The following RBFOX2 variants were observed in gnomAD, a reference collection of about 807,000 sequenced individuals.
The protein encoded by RBFOX2 is RNA binding fox-1 homolog 2.
In RBFOX2, 10 loss-of-function variants were observed where a neutral mutation model predicts 49.1. The ratio of observed to expected loss-of-function variants is 0.20; its 90% confidence interval spans 0.13 to 0.35. RBFOX2 has a LOEUF of 0.35. Ranked by LOEUF, RBFOX2 falls within the 10% of genes least tolerant of loss-of-function variation. RBFOX2 has a pLI of 1.00. For missense variants in RBFOX2, 323 were observed against 486.9 expected (o/e 0.66, Z 3.17); for synonymous variants, 183 against 187.4 (o/e 0.98, Z 0.19).
At chr22:35,746,043 T>TA (rs761411522) in intron 10 of RBFOX2, 48 bp from the exon 13 acceptor site, 3 of 1,491,688 alleles carry the variant, frequency 2.0e-6, no homozygotes, top group Non-Finnish European at 2.8e-6. Flanking sequence ...GTGTATGATC[T>TA]AAAAAAATTA....
At chr22:36,002,442 A>T (rs1480536124) in intron 1 of RBFOX2, among the ~76,000 whole-genome samples, 3 of 152,274 alleles carry the variant, frequency 2.0e-5, no homozygotes, top group Non-Finnish European at 2.9e-5. Flanking sequence ...TAAAAGAATT[A>T]GATTGATTGG....
At chr22:35,886,841 G>C (rs555953628) in intron 1 of RBFOX2, among the ~76,000 whole-genome samples, 1 of 152,196 alleles carries the variant, frequency 6.6e-6, no homozygotes, top group African/African-American at 2.4e-5. Flanking sequence ...CGACTGTACA[G>C]TTTTCCAGAA....
chr22:35,885,843 ATTTTTTTTTTTT>A lies in RBFOX2; in HGVS notation c.-34+52992_-34+53003del, dbSNP rs538674450. On this transcript the variant is annotated intron_variant, in intron 1 of 13. Coordinates refer to the RBFOX2 transcript ENST00000359369. The stretch of plus-strand genomic sequence containing the variant: ...TTGGGTTAAGTGAAACCCAAACCTA[ATTTTTTTTTTTT>A]TTTTTTTTTTTTTTTTTTTGAGACA... Among the ~76,000 whole-genome samples the A allele has an allele frequency of 4.8e-4, 40 of 83,150 alleles. No individual in the cohort carries two copies. The East Asian group carries it at 0.011, about 23-fold the overall frequency. The allele number at this position is 83,150 out of a possible 152,430, so 54.5% of individuals were successfully genotyped here.
At chr22:35,968,844 T>C (rs2056713684) in intron 1 of RBFOX2, among the ~76,000 whole-genome samples, 1 of 151,652 alleles carries the variant, frequency 6.6e-6, no homozygotes, top group South Asian at 2.1e-4. Flanking sequence ...TTGTAGGGAG[T>C]CTTCACAGTG....
chr22:35,995,925 C>T (rs1266629698), intron 1 of RBFOX2: 1 of 152,114 alleles, frequency 6.6e-6, no homozygotes, highest in Admixed American at 6.6e-5. Flanking sequence ...TAGATTCAGA[C>T]GATTATGGAA....
At chr22:35,983,999 T>C (rs943479650) in intron 1 of RBFOX2, among the ~76,000 whole-genome samples, 4 of 152,164 alleles carry the variant, frequency 2.6e-5, no homozygotes, top group Non-Finnish European at 4.4e-5. Flanking sequence ...ATAGCTCTCC[T>C]CTTCCACTCA....
At chr22:35,758,226 A>T (rs1937539839) in intron 9 of RBFOX2, among the ~76,000 whole-genome samples, 1 of 152,248 alleles carries the variant, frequency 6.6e-6, no homozygotes, top group Admixed American at 6.5e-5. Context: ...AATTGATATG[A>T]TTAGACATAA....
chr22:35,778,456 T>A (rs1944423048), intron 3 of RBFOX2, among the ~76,000 whole-genome samples: 1 of 152,144 alleles, frequency 6.6e-6, no homozygotes, highest in East Asian at 1.9e-4. Context: ...TCCTTTTTTT[T>A]ACACAAGCAA....
At chr22:35,813,836 T>C (rs1396568861) in intron 1 of RBFOX2, among the ~76,000 whole-genome samples, 1 of 152,188 alleles carries the variant, frequency 6.6e-6, no homozygotes, top group African/African-American at 2.4e-5. Context: ...CTAGAGAGCA[T>C]AACAAGGGAT....
chr22:35,926,432 T>C (rs2051650130), intron 1 of RBFOX2, among the ~76,000 whole-genome samples: 1 of 152,200 alleles, frequency 6.6e-6, no homozygotes, highest in African/African-American at 2.4e-5. Flanking sequence ...ATTAAACCTC[T>C]CATTACAATA....
intron 1 of RBFOX2, among the ~76,000 whole-genome samples, chr22:35,945,057 A>G (rs2054124638): frequency 6.6e-6 from 1 of 152,218 alleles, no homozygotes; most frequent in Admixed American, 6.5e-5. Flanking sequence ...AAGAATTCTT[A>G]CCACTCTGCA....
rs990135609 is a variant in RBFOX2, at chr22:35,994,385, T to A, written c.186+33855A>T. The A allele has an allele frequency of 2.7e-5, 4 of 148,128 alleles. No individual in the cohort carries two copies. The South Asian group carries it at 8.6e-4, about 32-fold the overall frequency. 9.2% of individuals were successfully genotyped at this position (148,128 alleles called of 1,614,324 possible). The stretch of plus-strand genomic sequence containing the variant: ...TTGAGTGCATCCTTTTATTTATTCA[T>A]TTTATTTATTTATTTATTTATTTAT... On this transcript the variant is annotated intron_variant, in intron 1 of 13. Coordinates refer to the RBFOX2 transcript ENST00000438146.
At chr22:35,934,551 G>T (rs900757412) in intron 1 of RBFOX2, among the ~76,000 whole-genome samples, 1 of 152,102 alleles carries the variant, frequency 6.6e-6, no homozygotes, top group Admixed American at 6.6e-5. Context: ...AGTTTATATG[G>T]TCACCTTATT....
intron 1 of RBFOX2, among the ~76,000 whole-genome samples, chr22:35,933,929 TATATATATA>T (rs2052725185): frequency 9.0e-6 from 1 of 111,612 alleles, no homozygotes; most frequent in South Asian, 2.9e-4. Context: ...TTAAATGTTA[TATATATATA>T]TATATATATA....
chr22:35,945,198 C>G (rs2054141564), intron 1 of RBFOX2, among the ~76,000 whole-genome samples: 1 of 152,266 alleles, frequency 6.6e-6, no homozygotes, highest in African/African-American at 2.4e-5. Flanking sequence ...ATGAATTTCA[C>G]ATCACCTTGC....
At chr22:35,950,596 T>C (rs1301649612) in intron 1 of RBFOX2, among the ~76,000 whole-genome samples, 4 of 152,186 alleles carry the variant, frequency 2.6e-5, no homozygotes, top group Non-Finnish European at 5.9e-5. Context: ...AGGGTAGTTT[T>C]TGGCAACTTC....
At chr22:36,011,182 C>T (rs1380449379) in intron 1 of RBFOX2, among the ~76,000 whole-genome samples, 3 of 152,134 alleles carry the variant, frequency 2.0e-5, no homozygotes, top group African/African-American at 7.2e-5. Flanking sequence ...ATAGCTGACC[C>T]ACAATGTGCC....
intron 1 of RBFOX2, chr22:35,997,144 C>G (rs1293397294): frequency 6.6e-6 from 1 of 152,250 alleles, no homozygotes; most frequent in Non-Finnish European, 1.5e-5. Context: ...CTGGTCTTAA[C>G]ACACCCAGAC....
chr22:35,987,673 T>A (rs907095323), intron 1 of RBFOX2, among the ~76,000 whole-genome samples: 1 of 152,174 alleles, frequency 6.6e-6, no homozygotes, highest in African/African-American at 2.4e-5. Context: ...ACAACAGCAG[T>A]GACTCAAACC....
Sources: allele counts gnomAD v4.1 joint callset (sites outside exome capture counted in the v4.1 genomes callset), GRCh38; gene constraint gnomAD v4.1.1; transcripts MANE v1.5; gene names NCBI Gene and HGNC (gene_info 2026-07-23, HGNC 2026-07-21).